RIMS1: variants seen among roughly 807,000 people sequenced by gnomAD.
RIMS1 encodes regulating synaptic membrane exocytosis 1.
In RIMS1, 83 loss-of-function variants were observed where a neutral mutation model predicts 214.1. That is an observed-to-expected ratio of 0.39 (90% CI 0.32 to 0.47). The LOEUF is 0.47. Ranked by LOEUF, RIMS1 falls within the 20% of genes least tolerant of loss-of-function variation. The pLI is 0.99. For missense variants in RIMS1, 2,050 were observed against 2,161.8 expected (o/e 0.95, Z 1.03); for synonymous variants, 793 against 786.8 (o/e 1.01, Z -0.13).
At chr6:72,121,446 C>G (rs1226845231) in intron 4 of RIMS1, among the ~76,000 whole-genome samples, 2 of 151,766 alleles carry the variant, frequency 1.3e-5, no homozygotes, top group African/African-American at 4.8e-5. Flanking sequence ...TGATTTGGCT[C>G]TCTGTTTGTC....
intron 2 of RIMS1, among the ~76,000 whole-genome samples, chr6:72,001,569 C>T (rs1417851694): frequency 1.3e-5 from 2 of 151,850 alleles, no homozygotes; most frequent in Non-Finnish European, 2.9e-5. Flanking sequence ...CTAATGTGAT[C>T]GTATTATATA....
At chr6:72,093,066 A>C (rs1167960302) in intron 2 of RIMS1, among the ~76,000 whole-genome samples, 1 of 152,048 alleles carries the variant, frequency 6.6e-6, no homozygotes, top group East Asian at 1.9e-4. Flanking sequence ...AGTATTATAA[A>C]ACATACATGT....
intron 2 of RIMS1, among the ~76,000 whole-genome samples, chr6:72,022,968 A>G (rs971293430): frequency 1.3e-5 from 2 of 152,200 alleles, no homozygotes; most frequent in African/African-American, 4.8e-5. Flanking sequence ...CCAGATACAC[A>G]TAAATGTACA....
intron 29 of RIMS1, among the ~76,000 whole-genome samples, chr6:72,340,721 C>A (rs2097047680): frequency 6.6e-6 from 1 of 152,018 alleles, no homozygotes; most frequent in African/African-American, 2.4e-5. Context: ...TAGCATGATG[C>A]CTCCAGCTTT....
intron 22 of RIMS1, among the ~76,000 whole-genome samples, chr6:72,271,286 A>ATATATAT (rs1554403465): frequency 2.4e-3 from 105 of 44,140 alleles, no homozygotes; most frequent in South Asian, 6.3e-3. Context: ...AAAAAAAAAA[A>ATATATAT]ATATATATAT....
intron 29 of RIMS1, among the ~76,000 whole-genome samples, chr6:72,371,402 A>T (rs2154401908): frequency 6.6e-6 from 1 of 152,346 alleles, no homozygotes; most frequent in East Asian, 1.9e-4. Context: ...AAGATGTGTA[A>T]GCAAACTGTC....
intron 29 of RIMS1, among the ~76,000 whole-genome samples, chr6:72,358,589 T>C (rs1040458683): frequency 2.6e-5 from 4 of 152,122 alleles, no homozygotes; most frequent in Non-Finnish European, 5.9e-5. Flanking sequence ...CTCTGAGATA[T>C]GAACAAAGAA....
At chr6:72,228,845 G>C (rs541388735) in intron 6 of RIMS1, among the ~76,000 whole-genome samples, 5 of 151,792 alleles carry the variant, frequency 3.3e-5, no homozygotes, top group South Asian at 2.1e-4. Context: ...TTTATAATAG[G>C]CCATCCTAAC....
chr6:72,374,277 T>A (rs143419527), intron 29 of RIMS1, among the ~76,000 whole-genome samples: 1 of 152,218 alleles, frequency 6.6e-6, no homozygotes, highest in South Asian at 2.1e-4. Flanking sequence ...TTTCTTTTTA[T>A]GTCCTAAGAG....
rs903194853 is a variant in RIMS1, at chr6:72,217,200, G to A, written c.1679-16573G>A. On this transcript the variant is annotated intron_variant, in intron 6 of 33. Coordinates refer to ENST00000521978, the MANE Select transcript of RIMS1 (RefSeq NM_014989.7). ...CCGATGCTGCTGTTATGTTTGCTGG[G>A]TTTCTGCAGTTTCTACTACTTCATA... The A allele has an allele frequency of 2.3e-5, 36 of 1,536,630 alleles. No individual in the cohort carries two copies. In the African/African-American group the frequency reaches 3.8e-4, roughly 16 times the overall value.
In RIMS1 at chr6:72,266,092, G is replaced by T. The variant is rs1218387621; in HGVS notation, c.3398+43G>T. ...TCTTAATTTCTTATCATTTGTACTA[G>T]TGATTTTTTTCAGTCACTTTGTTTT... On this transcript the variant is annotated intron_variant, in intron 22 of 33. Transcript: ENST00000521978. The T allele has an allele frequency of 2.9e-6, 4 of 1,387,824 alleles. No individual in the cohort carries two copies. In the African/African-American group the frequency reaches 5.7e-5, roughly 20 times the overall value. The allele number at this position is 1,387,824 out of a possible 1,614,324, so 86.0% of individuals were successfully genotyped here. A position where few individuals can be genotyped will look rare whatever the true frequency, so the allele number is the denominator to read the frequency against.
chr6:71,995,708 A>G (rs993735238), intron 2 of RIMS1, among the ~76,000 whole-genome samples: 9 of 152,136 alleles, frequency 5.9e-5, no homozygotes, highest in African/African-American at 2.2e-4. Flanking sequence ...AATGGCTGCC[A>G]TCTTATGTCC....
At chr6:72,010,462 GT>G (rs1810001321) in intron 2 of RIMS1, among the ~76,000 whole-genome samples, 1 of 152,146 alleles carries the variant, frequency 6.6e-6, no homozygotes, top group South Asian at 2.1e-4. Context: ...TCAACATAAT[GT>G]TGGAAGTTCT....
intron 2 of RIMS1, among the ~76,000 whole-genome samples, chr6:72,011,209 A>G (rs1810447172): frequency 6.6e-6 from 1 of 152,226 alleles, no homozygotes; most frequent in Admixed American, 6.5e-5. Flanking sequence ...GACAAACCTG[A>G]CAAAAACAAG....
intron 6 of RIMS1, among the ~76,000 whole-genome samples, chr6:72,197,439 C>T (rs1356505086): frequency 6.6e-6 from 1 of 152,118 alleles, no homozygotes; most frequent in African/African-American, 2.4e-5. Context: ...ACACATGTTG[C>T]TCAAGTTTAG....
At chr6:72,296,434 G>T (rs1326638161) in intron 26 of RIMS1, among the ~76,000 whole-genome samples, 1 of 151,850 alleles carries the variant, frequency 6.6e-6, no homozygotes, top group Non-Finnish European at 1.5e-5. Context: ...CTGAGAAGCT[G>T]CTGCCTAAAT....
intron 2 of RIMS1, among the ~76,000 whole-genome samples, chr6:72,032,602 AT>A: frequency 6.6e-6 from 1 of 152,278 alleles, no homozygotes; most frequent in East Asian, 1.9e-4. Flanking sequence ...TTTCAATCAG[AT>A]TTCACCCCCA....
rs9446514 is a variant in RIMS1 at position 71,958,610 on chromosome 6, A to G, written c.165-10373A>G. On this transcript the variant is annotated intron_variant, in intron 1 of 33. Coordinates refer to ENST00000521978, the MANE Select transcript of RIMS1 (RefSeq NM_014989.7). ...ATGATGTTCTAAAACTGTGATGTAG[A>G]TTTACCTGACTTAGGAAATAAGATA... Among the ~76,000 whole-genome samples, 498 of 152,270 alleles carry G rather than the reference A, an allele frequency of 3.3e-3. 2 individuals are homozygous for G. The highest frequency in any genetic ancestry group is 0.012 in the African/African-American group (484 of 41,586).
chr6:72,095,467 C>G (rs1165490000), intron 2 of RIMS1, among the ~76,000 whole-genome samples: 1 of 152,120 alleles, frequency 6.6e-6, no homozygotes, highest in Non-Finnish European at 1.5e-5. Context: ...AATGAAATAT[C>G]ACATATATTC....
Sources: gnomAD v4.1 joint callset for allele counts (sites outside exome capture counted in the v4.1 genomes callset) on GRCh38, gnomAD v4.1.1 for gene constraint, MANE v1.5 for transcripts, NCBI Gene and HGNC (gene_info 2026-07-23, HGNC 2026-07-21) for gene names.